Variants in ZNF385D observed in about 807,000 individuals in gnomAD.
ZNF385D encodes the protein zinc finger protein 385D, also known as zinc finger protein 659.
ZNF385D carries 15 observed loss-of-function variants against 35.8 expected under a neutral mutation model. The ratio of observed to expected loss-of-function variants is 0.42; its 90% CI spans 0.28 to 0.64. ZNF385D has a LOEUF of 0.64. ZNF385D is among the 30% of genes least tolerant of loss of function. The pLI, the probability that ZNF385D is intolerant of heterozygous loss-of-function variation, is 0.23. For missense variants in ZNF385D, 474 were observed against 494.6 expected (o/e 0.96, Z 0.39); for synonymous variants, 212 against 186.8 (o/e 1.13, Z -1.10).
intron 1 of ZNF385D, among the ~76,000 whole-genome samples, chr3:21,698,724 C>T (rs1244546990): frequency 7.3e-6 from 1 of 136,274 alleles, no homozygotes; most frequent in South Asian, 2.3e-4. Context: ...ATGCAGCCAA[C>T]AAACATAAAA....
At chr3:22,180,911 G>GTTTTTTTTTTTTTTTTTTTTTTTTTT (rs1695207512) in intron 2 of ZNF385D, among the ~76,000 whole-genome samples, 3 of 60,746 alleles carry the variant, frequency 4.9e-5, no homozygotes, top group African/African-American at 3.1e-4. Context: ...ATATGCTTTT[G>GTTTTTTTTTTTTTTTTTTTTTTTTTT]TTCTTTTTTT....
chr3:21,448,109 C>T (rs1440652188), intron 4 of ZNF385D, among the ~76,000 whole-genome samples: 3 of 151,958 alleles, frequency 2.0e-5, no homozygotes, highest in South Asian at 4.1e-4. Flanking sequence ...ATGATGTAAC[C>T]GATATGCACT....
At chr3:22,118,282 T>A (rs903292599) in intron 3 of ZNF385D, among the ~76,000 whole-genome samples, 1 of 152,132 alleles carries the variant, frequency 6.6e-6, no homozygotes, top group African/African-American at 2.4e-5. Flanking sequence ...AAAATAACTT[T>A]AGTTTGGTAA....
At chr3:21,869,450 T>C (rs1697567655) in intron 3 of ZNF385D, among the ~76,000 whole-genome samples, 1 of 152,126 alleles carries the variant, frequency 6.6e-6, no homozygotes, top group Non-Finnish European at 1.5e-5. Context: ...AGTGGGAATA[T>C]ATATTGCATT....
chr3:21,962,177 G>T (rs572832013), intron 3 of ZNF385D, among the ~76,000 whole-genome samples: 1 of 152,140 alleles, frequency 6.6e-6, no homozygotes, highest in East Asian at 1.9e-4. Flanking sequence ...AGAGGATATT[G>T]CTGGGAAGAG....
intron 3 of ZNF385D, among the ~76,000 whole-genome samples, chr3:22,022,149 C>T (rs921050236): frequency 1.1e-4 from 17 of 152,048 alleles, no homozygotes; most frequent in African/African-American, 4.1e-4. Flanking sequence ...ACCATAAATA[C>T]ATCACCTAGA....
At chr3:22,211,002 ATTGATCC>A (rs1409874783) in intron 2 of ZNF385D, among the ~76,000 whole-genome samples, 14 of 151,968 alleles carry the variant, frequency 9.2e-5, no homozygotes, top group African/African-American at 3.4e-4. Flanking sequence ...AGTTTGGCAT[ATTGATCC>A]TTTGGTGAGT....
At chr3:22,211,664 A>AG (rs1475641320) in intron 2 of ZNF385D, among the ~76,000 whole-genome samples, 1 of 151,960 alleles carries the variant, frequency 6.6e-6, no homozygotes, top group Non-Finnish European at 1.5e-5. Context: ...AGAAACAGAG[A>AG]GAAAGACCAA....
chr3:21,962,104 G>A (rs1702630781), intron 3 of ZNF385D, among the ~76,000 whole-genome samples: 1 of 152,076 alleles, frequency 6.6e-6, no homozygotes, highest in African/African-American at 2.4e-5. Context: ...TCTCATTAAA[G>A]TGCAGAAAAC....
rs1270106567 is a variant in ZNF385D, at chr3:22,005,921, T to C, written c.325+162896A>G. Among the ~76,000 whole-genome samples the C allele has an allele frequency of 2.6e-5, 4 of 152,284 alleles. No individual in the cohort carries two copies. The East Asian group carries it at 7.7e-4, about 29-fold the overall frequency. On this transcript the variant is annotated intron_variant, in intron 3 of 5. Transcript: ENST00000494108. Reference sequence around the variant, plus strand: ...CATTATTTTTGAGTCTGTCTTCATCTCTAAGCACTATTCACAGATATTTAA... The same window carrying C: ...CATTATTTTTGAGTCTGTCTTCATCCCTAAGCACTATTCACAGATATTTAA...
Position 21,945,388 on chromosome 3 carries a change from C to T in ZNF385D, c.325+223429G>A, listed in dbSNP as rs150659944. Among the ~76,000 whole-genome samples, 277 of 152,154 alleles carry T rather than the reference C, an allele frequency of 1.8e-3. 1 individual carries two copies. Among genetic ancestry groups the T allele is most frequent in the African/African-American group, 6.4e-3 (266 of 41,524 alleles). ...AAATGCATGTTTATGGTGAGATGCA[C>T]GTTAGTTGTATGTTTTCTTCATAGA... On this transcript the variant is annotated intron_variant, in intron 3 of 5. Coordinates refer to the ZNF385D transcript ENST00000494108.
At chr3:21,639,568 A>T (rs912150007) in intron 2 of ZNF385D, among the ~76,000 whole-genome samples, 4 of 152,000 alleles carry the variant, frequency 2.6e-5, no homozygotes, top group Non-Finnish European at 5.9e-5. Flanking sequence ...AATTTTACTG[A>T]TCTATCATAA....
intron 3 of ZNF385D, among the ~76,000 whole-genome samples, chr3:22,159,094 G>C (rs1395306358): frequency 6.6e-6 from 1 of 151,022 alleles, no homozygotes; most frequent in Admixed American, 6.6e-5. Context: ...GAAGAAACAA[G>C]GTAGCTCTAT....
intron 4 of ZNF385D, among the ~76,000 whole-genome samples, chr3:21,482,269 C>T (rs555528115): frequency 6.6e-6 from 1 of 151,356 alleles, no homozygotes; most frequent in East Asian, 2.0e-4. Flanking sequence ...AAAGGGTGAC[C>T]CATGGGTCAA....
At chr3:21,587,632 T>C (rs1394522232) in intron 2 of ZNF385D, among the ~76,000 whole-genome samples, 1 of 152,142 alleles carries the variant, frequency 6.6e-6, no homozygotes, top group Non-Finnish European at 1.5e-5. Flanking sequence ...AAACTTAAAA[T>C]AAGGTTGAAG....
rs144723941 is a variant in ZNF385D, at chr3:21,959,958, G to A, written c.325+208859C>T. On this transcript the variant is annotated intron_variant, in intron 3 of 5. Transcript: ENST00000494108. The stretch of plus-strand genomic sequence containing the variant: ...AAAACTGCTAAAAGAAAACATAGGG[G>A]AAATTTTTCAGAACATTGGAGTAGG... Among the ~76,000 whole-genome samples, 720 of 146,898 alleles carry A rather than the reference G, an allele frequency of 4.9e-3. 6 individuals carry two copies. Among genetic ancestry groups the A allele is most frequent in the African/African-American group, 0.016 (644 of 39,542 alleles).
intron 2 of ZNF385D, among the ~76,000 whole-genome samples, chr3:21,608,023 G>GTTTTTTTTTGGTTTTTTTTTTTTT (rs1553622610): frequency 8.3e-5 from 10 of 120,216 alleles, no homozygotes; most frequent in East Asian, 2.6e-4. Flanking sequence ...TTTTTTTTTT[G>GTTTTTTTTTGGTTTTTTTTTTTTT]TTTTTTTTTT....
intron 3 of ZNF385D, among the ~76,000 whole-genome samples, chr3:21,790,858 T>G: frequency 6.6e-6 from 1 of 152,220 alleles, no homozygotes; most frequent in Non-Finnish European, 1.5e-5. Flanking sequence ...ATTTATAGAA[T>G]GTGAAATTTG....
chr3:21,656,967 A>G (rs1196382301), intron 2 of ZNF385D, among the ~76,000 whole-genome samples: 2 of 151,850 alleles, frequency 1.3e-5, no homozygotes, highest in African/African-American at 4.8e-5. Context: ...GTTACTAAGA[A>G]ACTCACAGTA....
Sources: allele counts gnomAD v4.1 joint callset (sites outside exome capture counted in the v4.1 genomes callset), GRCh38; gene constraint gnomAD v4.1.1; transcripts MANE v1.5; gene names NCBI Gene and HGNC (gene_info 2026-07-23, HGNC 2026-07-21).